NEMP2: variants seen among roughly 807,000 people sequenced by gnomAD.
NEMP2 encodes the protein nuclear envelope integral membrane protein 2.
NEMP2 carries 53 observed loss-of-function variants against 54.2 expected under a neutral mutation model. The observed-to-expected ratio is 0.98, with a 90% CI of 0.78 to 1.23. The LOEUF (loss-of-function observed/expected upper bound fraction) is 1.23, where lower values mean the gene tolerates loss of function less well. Ranked by LOEUF, NEMP2 falls within the 50% of genes most tolerant of loss-of-function variation. The pLI, the probability that NEMP2 is intolerant of heterozygous loss-of-function variation, is 0.00. For missense variants in NEMP2, 455 were observed against 511.3 expected, an observed-to-expected ratio of 0.89 and a Z score of 1.06; for synonymous variants, 197 against 190.3, an observed-to-expected ratio of 1.04 and a Z score of -0.29.
At chr2:190,500,159 G>A, downstream of NEMP2, 1 of 1,614,126 alleles carries the variant, frequency 6.2e-7, no homozygotes, top group Non-Finnish European at 8.5e-7. The surrounding 1 kb of genome is among the most constrained non-coding windows in gnomAD (Gnocchi z 5.3). Flanking sequence ...CCCCAGTGTG[G>A]ACCCGTGCAC....
chr2:190,486,786 A>G, the NEMP2 span, among the ~76,000 whole-genome samples: 17 of 152,316 alleles, frequency 1.1e-4, 1 homozygote, highest in South Asian at 3.5e-3. Flanking sequence ...TCTCCAAATG[A>G]GACTATTTCT....
At chr2:190,608,734 A>G in the NEMP2 span, 1 of 152,202 alleles carries the variant, frequency 6.6e-6, no homozygotes, top group South Asian at 2.1e-4. The surrounding 1 kb of genome is among the most constrained non-coding windows in gnomAD (Gnocchi z 4.9). Flanking sequence ...TCTGCTAATG[A>G]AGAAGCTGTT....
the NEMP2 span, among the ~76,000 whole-genome samples, chr2:190,471,841 AGT>A: frequency 2.6e-5 from 4 of 152,192 alleles, no homozygotes; most frequent in South Asian, 2.1e-4. This position sits in a 1 kb window ranked among gnomAD's most constrained non-coding sequence, Gnocchi z 4.7. Flanking sequence ...GGCACCCCCC[AGT>A]AGGGGCAGAC....
At chr2:190,612,424 G>A in the NEMP2 span, among the ~76,000 whole-genome samples, 2 of 152,222 alleles carry the variant, frequency 1.3e-5, no homozygotes, top group East Asian at 3.9e-4. Context: ...AAAGTGCTGG[G>A]ATTACAGGCG....
rs1690264376 is a variant in NEMP2 at position 190,509,014 on chromosome 2, A to C, written c.*175T>G. 1.0e-6 allele frequency: 1 copy of C among 980,798 alleles called. No individual in the cohort carries two copies. The highest frequency in any genetic ancestry group is 1.5e-6 in the Non-Finnish European group (1 of 688,512). 60.8% of individuals were successfully genotyped at this position (980,798 alleles called of 1,614,324 possible). On this transcript the variant is annotated 3_prime_UTR_variant, in exon 9 of 9. Transcript: ENST00000409150. The surrounding 1 kb of genome is among the most constrained non-coding windows in gnomAD (Gnocchi z 6.1). The stretch of plus-strand genomic sequence containing the variant: ...AGTACAATAAGTAGCAGAAGTCACC[A>C]AGAATGCTAAGTTATCTTCAAAATG...
In NEMP2 at chr2:190,507,387, A is replaced by G. The variant is rs1690215648; in HGVS notation, c.*1802T>C. The stretch of plus-strand genomic sequence containing the variant: ...GGGATGTACCTGGCAGCCCCAGCAG[A>G]TTGTTCATGTGTTATTTACTCATAC... On this transcript the variant is annotated 3_prime_UTR_variant, in exon 9 of 9. Coordinates refer to ENST00000409150, the MANE Select transcript of NEMP2 (RefSeq NM_001142645.2). The surrounding 1 kb of genome is among the most constrained non-coding windows in gnomAD (Gnocchi z 4.4). 6.6e-6 allele frequency: 1 copy of G among 152,158 alleles called. No homozygotes were observed. The highest frequency in any genetic ancestry group is 1.5e-5 in the Non-Finnish European group (1 of 68,022). 9.4% of individuals were successfully genotyped at this position (152,158 alleles called of 1,614,324 possible).
the NEMP2 span, among the ~76,000 whole-genome samples, chr2:190,593,483 A>T: frequency 6.6e-6 from 1 of 152,112 alleles, no homozygotes; most frequent in South Asian, 2.1e-4. This position sits in a 1 kb window ranked among gnomAD's most constrained non-coding sequence, Gnocchi z 4.5. Flanking sequence ...AGCCTGAGGG[A>T]AGAGTGAAGA....
At position 190,523,919 on chromosome 2, in the gene NEMP2, G is replaced by A. The variant is rs959950924; in HGVS notation, c.213+1344C>T. Among the ~76,000 whole-genome samples the A allele has an allele frequency of 3.9e-5, 6 of 152,016 alleles. No individual in the cohort carries two copies. Among genetic ancestry groups the A allele is most frequent in the Non-Finnish European group, 7.4e-5 (5 of 67,980 alleles). On this transcript the variant is annotated intron_variant, in intron 2 of 8. Coordinates refer to ENST00000409150, the MANE Select transcript of NEMP2 (RefSeq NM_001142645.2). This position sits in a 1 kb window ranked among gnomAD's most constrained non-coding sequence, Gnocchi z 5.3. ...TGCCAATGAATGTAAATGGAATAAT[G>A]GTGCCAGGCGCAGTGGCTTGCGCCT...
At chr2:190,424,097 CTCTTTGCAGAGTCTTT>C in the NEMP2 span, among the ~76,000 whole-genome samples, 7 of 152,118 alleles carry the variant, frequency 4.6e-5, no homozygotes, top group Admixed American at 2.6e-4. This position sits in a 1 kb window ranked among gnomAD's most constrained non-coding sequence, Gnocchi z 5.9. Context: ...TGTTTTCATC[CTCTTTGCAGAGTCTTT>C]TAAAGAGCAA....
At chr2:190,624,098 C>T in the NEMP2 span, among the ~76,000 whole-genome samples, 62 of 152,158 alleles carry the variant, frequency 4.1e-4, 1 homozygote, top group Non-Finnish European at 7.4e-4. Flanking sequence ...GCCTGAGCAA[C>T]ATAGTGAGAC....
the NEMP2 span, among the ~76,000 whole-genome samples, chr2:190,591,659 A>T: frequency 1.3e-5 from 2 of 152,174 alleles, no homozygotes; most frequent in Non-Finnish European, 2.9e-5. The surrounding 1 kb of genome is among the most constrained non-coding windows in gnomAD (Gnocchi z 5.4). Flanking sequence ...AGTTTTTCAC[A>T]TGTCTTCACA....
chr2:190,598,931 A>T, the NEMP2 span, among the ~76,000 whole-genome samples: 1 of 152,080 alleles, frequency 6.6e-6, no homozygotes, highest in South Asian at 2.1e-4. Flanking sequence ...ATTTTTCTCC[A>T]AATAATAGAA....
At chr2:190,600,597 TAAAG>T in the NEMP2 span, among the ~76,000 whole-genome samples, 4 of 152,090 alleles carry the variant, frequency 2.6e-5, no homozygotes, top group African/African-American at 9.7e-5. The surrounding 1 kb of genome is among the most constrained non-coding windows in gnomAD (Gnocchi z 4.9). Flanking sequence ...ACTGGGTTGT[TAAAG>T]AGAGTCTGGC....
At chr2:190,573,176 A>G in the NEMP2 span, among the ~76,000 whole-genome samples, 41,948 of 151,734 alleles carry the variant, frequency 0.28, 6,516 homozygotes, top group Admixed American at 0.45. Flanking sequence ...GTCACTTCCT[A>G]GCTATATAGC....
chr2:190,637,328 G>T, the NEMP2 span, among the ~76,000 whole-genome samples: 1 of 152,108 alleles, frequency 6.6e-6, no homozygotes, highest in Non-Finnish European at 1.5e-5. This position sits in a 1 kb window ranked among gnomAD's most constrained non-coding sequence, Gnocchi z 4.5. Context: ...TCTCTTAGTT[G>T]TATCTACTAT....
the NEMP2 span, among the ~76,000 whole-genome samples, chr2:190,545,307 C>T: frequency 6.6e-6 from 1 of 152,154 alleles, no homozygotes; most frequent in Admixed American, 6.5e-5. Context: ...ACTAACACAC[C>T]ATTAGGAAAC....
downstream of NEMP2, chr2:190,500,577 G>A: frequency 4.9e-6 from 1 of 202,386 alleles, no homozygotes; most frequent in Non-Finnish European, 1.0e-5. This position sits in a 1 kb window ranked among gnomAD's most constrained non-coding sequence, Gnocchi z 5.3. Flanking sequence ...CGAGGTGAAT[G>A]TGGATATAAT....
At chr2:190,437,612 T>A in the NEMP2 span, 1 of 1,560,526 alleles carries the variant, frequency 6.4e-7, no homozygotes, top group Non-Finnish European at 8.7e-7. The surrounding 1 kb of genome is among the most constrained non-coding windows in gnomAD (Gnocchi z 5.9). Flanking sequence ...CTTTATCTTT[T>A]TATGGTTTAT....
chr2:190,642,209 T>TG, the NEMP2 span, among the ~76,000 whole-genome samples: 11 of 152,170 alleles, frequency 7.2e-5, no homozygotes, highest in South Asian at 2.1e-4. This position sits in a 1 kb window ranked among gnomAD's most constrained non-coding sequence, Gnocchi z 4.1. Flanking sequence ...CTCGGGTTTT[T>TG]TTTTTGTTGT....
Sources: gnomAD v4.1 joint callset for allele counts (sites outside exome capture counted in the v4.1 genomes callset) on GRCh38, gnomAD v4.1.1 for gene constraint, Gnocchi (gnomAD v3.1) non-coding constraint, MANE v1.5 for transcripts, NCBI Gene and HGNC (gene_info 2026-07-23, HGNC 2026-07-21) for gene names.